Variants in RBMS3 observed in about 807,000 individuals in gnomAD.
The protein encoded by RBMS3 is RNA binding motif single stranded interacting protein 3.
Under a neutral mutation model 66.8 loss-of-function variants are expected in RBMS3, and 27 were observed. The ratio of observed to expected loss-of-function variants is 0.40; its 90% CI spans 0.30 to 0.56. RBMS3 has a LOEUF of 0.56. Among genes scored for constraint, RBMS3 ranks in the 20% least tolerant of loss-of-function variants. The probability of loss-of-function intolerance (pLI) is 0.40; values close to 1 mark genes in which losing one functional copy is unlikely to be tolerated. For synonymous variants in RBMS3, 188 were observed against 183.0 expected (o/e 1.03, Z -0.22); for missense variants, 513 against 549.5 (o/e 0.93, Z 0.66).
chr3:29,846,620 A>G (rs1180547214), intron 6 of RBMS3, among the ~76,000 whole-genome samples: 1 of 152,194 alleles, frequency 6.6e-6, no homozygotes, highest in East Asian at 1.9e-4. Context: ...TGATGACTCA[A>G]TATATTTTCT....
At chr3:29,617,071 G>A (rs897966095) in intron 4 of RBMS3, 4 of 152,194 alleles carry the variant, frequency 2.6e-5, no homozygotes, top group Non-Finnish European at 5.9e-5. Context: ...ATAGATGGAT[G>A]AAAGGAGGAA....
At chr3:29,613,539 G>T (rs2048561913) in intron 4 of RBMS3, among the ~76,000 whole-genome samples, 1 of 152,046 alleles carries the variant, frequency 6.6e-6, no homozygotes, top group African/African-American at 2.4e-5. Flanking sequence ...ATGCCTTGTG[G>T]TTGTGCTCAT....
intron 12 of RBMS3, among the ~76,000 whole-genome samples, chr3:29,965,002 G>C (rs1696732645): frequency 6.6e-6 from 1 of 152,044 alleles, no homozygotes. Flanking sequence ...ACCTCACTTA[G>C]AATAATAGTC....
intron 12 of RBMS3, among the ~76,000 whole-genome samples, chr3:29,973,880 GC>G (rs1308454167): frequency 1.3e-5 from 2 of 151,646 alleles, no homozygotes; most frequent in African/African-American, 4.8e-5. Flanking sequence ...GTTTATTGTT[GC>G]CCCCTCTTTC....
chr3:29,326,268 C>A (rs1042932531), intron 1 of RBMS3, among the ~76,000 whole-genome samples: 27 of 152,168 alleles, frequency 1.8e-4, no homozygotes, highest in Non-Finnish European at 1.6e-4. Flanking sequence ...CTCATTCTTA[C>A]CTCCACCCAC....
chr3:29,524,602 A>ATTTTTT (rs1273815210), intron 3 of RBMS3, among the ~76,000 whole-genome samples: 1 of 148,608 alleles, frequency 6.7e-6, no homozygotes. Context: ...CAACTTTTGC[A>ATTTTTT]TTTTATTTAT....
intron 6 of RBMS3, among the ~76,000 whole-genome samples, chr3:29,772,490 T>C (rs1441457569): frequency 6.6e-6 from 1 of 152,056 alleles, no homozygotes; most frequent in African/African-American, 2.4e-5. Context: ...TCAGTGATGC[T>C]TGTTAAAGCA....
chr3:29,572,473 T>A (rs2046981941), intron 3 of RBMS3, among the ~76,000 whole-genome samples: 1 of 152,208 alleles, frequency 6.6e-6, no homozygotes, highest in Non-Finnish European at 1.5e-5. Flanking sequence ...GTTTTTATTA[T>A]GAAGAGATGT....
chr3:29,930,164 TGCAGTG>T (rs2061080279), intron 10 of RBMS3, among the ~76,000 whole-genome samples: 1 of 129,972 alleles, frequency 7.7e-6, no homozygotes, highest in Non-Finnish European at 1.6e-5. Flanking sequence ...CAGGCTGGAG[TGCAGTG>T]GCATGATCTT....
At chr3:29,809,441 C>A (rs949470920) in intron 6 of RBMS3, among the ~76,000 whole-genome samples, 7 of 151,616 alleles carry the variant, frequency 4.6e-5, no homozygotes, top group African/African-American at 1.7e-4. Context: ...TTAGCATTTG[C>A]GCATGCACAT....
chr3:29,538,154 G>A (rs1054492188), intron 3 of RBMS3, among the ~76,000 whole-genome samples: 1 of 152,072 alleles, frequency 6.6e-6, no homozygotes, highest in African/African-American at 2.4e-5. Context: ...CATTGGATTT[G>A]ACTCAAGAAA....
intron 10 of RBMS3, among the ~76,000 whole-genome samples, chr3:29,904,515 C>T (rs1004475236): frequency 2.0e-5 from 3 of 151,870 alleles, no homozygotes; most frequent in African/African-American, 7.2e-5. Context: ...GCTAACAGCT[C>T]CATTGTCACT....
intron 1 of RBMS3, among the ~76,000 whole-genome samples, chr3:29,433,007 G>A (rs1435230683): frequency 6.6e-6 from 1 of 152,052 alleles, no homozygotes; most frequent in African/African-American, 2.4e-5. Context: ...TCTATTTCCA[G>A]GACATCTCAT....
intron 6 of RBMS3, among the ~76,000 whole-genome samples, chr3:29,773,464 A>G (rs1371736613): frequency 6.6e-6 from 1 of 152,100 alleles, no homozygotes; most frequent in Non-Finnish European, 1.5e-5. Flanking sequence ...ATATGAAAAC[A>G]TAACCATTTT....
chr3:29,381,392 C>T (rs929275434), intron 1 of RBMS3, among the ~76,000 whole-genome samples: 3 of 152,100 alleles, frequency 2.0e-5, no homozygotes, highest in Non-Finnish European at 2.9e-5. Flanking sequence ...TTTTTCTCTA[C>T]TAAGGTAATA....
intron 5 of RBMS3, among the ~76,000 whole-genome samples, chr3:29,750,058 GA>G (rs1409565295): frequency 6.6e-6 from 1 of 152,126 alleles, no homozygotes; most frequent in Non-Finnish European, 1.5e-5. Flanking sequence ...AAATATAAAA[GA>G]GTCAGTAATG....
At chr3:29,524,191 C>A (rs1285837140) in intron 3 of RBMS3, among the ~76,000 whole-genome samples, 1 of 151,946 alleles carries the variant, frequency 6.6e-6, no homozygotes, top group East Asian at 1.9e-4. Context: ...TATACCTCAA[C>A]CAGTAAGTCG....
intron 4 of RBMS3, among the ~76,000 whole-genome samples, chr3:29,672,485 G>A (rs56106906): frequency 1.4e-3 from 209 of 152,254 alleles, no homozygotes; most frequent in Non-Finnish European, 2.4e-3. Flanking sequence ...AAAAGACACA[G>A]ACTTGCAAAT....
chr3:29,932,787 C>T (rs928969037), intron 10 of RBMS3, among the ~76,000 whole-genome samples: 2 of 152,156 alleles, frequency 1.3e-5, no homozygotes, highest in Non-Finnish European at 2.9e-5. Flanking sequence ...AGATGCTTTT[C>T]TGGCCTTAGG....
Sources: gnomAD v4.1 joint callset for allele counts (sites outside exome capture counted in the v4.1 genomes callset) on GRCh38, gnomAD v4.1.1 for gene constraint, MANE v1.5 for transcripts, NCBI Gene and HGNC (gene_info 2026-07-23, HGNC 2026-07-21) for gene names.